The following ATF6 variants were observed in gnomAD, a reference collection of about 807,000 sequenced individuals.
ATF6 encodes the protein activating transcription factor 6.
In ATF6, 53 loss-of-function variants were observed where a neutral mutation model predicts 83.6. The observed-to-expected ratio is 0.63, with a 90% CI of 0.51 to 0.80. The LOEUF (loss-of-function observed/expected upper bound fraction) is 0.80, where lower values mean the gene tolerates loss of function less well. Among genes scored for constraint, ATF6 ranks in the 30% least tolerant of loss-of-function variants. The pLI, the probability that ATF6 is intolerant of heterozygous loss-of-function variation, is 0.00. For synonymous variants in ATF6, 288 were observed against 285.8 expected (o/e 1.01, Z -0.08); for missense variants, 744 against 797.9 (o/e 0.93, Z 0.81).
Position 161,803,531 on chromosome 1 carries a change from C to T in ATF6, c.909+1259C>T, listed in dbSNP as rs111645110. On this transcript the variant is annotated intron_variant, in intron 7 of 15. Coordinates refer to ENST00000367942, the MANE Select transcript of ATF6 (RefSeq NM_007348.4). ...TGGCATAATAGGCTCTAATACATAG[C>T]GTGTGTTTCAGTTGAAGATGAAACA... Among the ~76,000 whole-genome samples the T allele has an allele frequency of 2.8e-3, 424 of 152,152 alleles. 3 individuals carry two copies. The highest frequency in any genetic ancestry group is 9.5e-3 in the African/African-American group (393 of 41,504).
chr1:161,918,846 A>G (rs1217446338), intron 15 of ATF6, among the ~76,000 whole-genome samples: 1 of 152,206 alleles, frequency 6.6e-6, no homozygotes, highest in Non-Finnish European at 1.5e-5. Context: ...GATTTTATTG[A>G]GCAACTGGTT....
chr1:161,928,160 C>G (rs1407090677), intron 15 of ATF6, among the ~76,000 whole-genome samples: 1 of 152,186 alleles, frequency 6.6e-6, no homozygotes, highest in Non-Finnish European at 1.5e-5. Context: ...AGAACCACAA[C>G]TGAACTTTCT....
intron 15 of ATF6, among the ~76,000 whole-genome samples, chr1:161,948,018 T>G (rs978551198): frequency 1.1e-4 from 16 of 152,030 alleles, no homozygotes; most frequent in African/African-American, 3.6e-4. Context: ...GAGACAGGGC[T>G]TCGCCACATT....
At chr1:161,818,314 C>T (rs1685666048) in intron 7 of ATF6, among the ~76,000 whole-genome samples, 1 of 152,106 alleles carries the variant, frequency 6.6e-6, no homozygotes, top group African/African-American at 2.4e-5. Flanking sequence ...CTCACTTCCC[C>T]AAAGAAATTA....
chr1:161,807,269 C>G (rs1685310552), intron 7 of ATF6, among the ~76,000 whole-genome samples: 2 of 152,248 alleles, frequency 1.3e-5, no homozygotes, highest in Admixed American at 6.5e-5. Flanking sequence ...CAGAGACTGC[C>G]TATGTTCTAT....
chr1:161,903,062 CTTTAA>C (rs943900623), intron 14 of ATF6, among the ~76,000 whole-genome samples: 35 of 151,804 alleles, frequency 2.3e-4, no homozygotes, highest in Non-Finnish European at 4.0e-4. Flanking sequence ...TTTAATTAAA[CTTTAA>C]TTTAATTTAA....
chr1:161,806,777 G>A (rs1460749568), intron 7 of ATF6, among the ~76,000 whole-genome samples: 1 of 152,120 alleles, frequency 6.6e-6, no homozygotes, highest in Non-Finnish European at 1.5e-5. Context: ...GTGCTGGGGG[G>A]AATCCTTTGC....
intron 7 of ATF6, among the ~76,000 whole-genome samples, chr1:161,804,892 A>AAAGT (rs1229424385): frequency 6.6e-6 from 1 of 152,134 alleles, no homozygotes; most frequent in East Asian, 1.9e-4. Flanking sequence ...CTGTAAATTT[A>AAAGT]AAGTATTTTT....
chr1:161,908,818 A>T (rs2341475), intron 14 of ATF6, among the ~76,000 whole-genome samples: 1 of 151,986 alleles, frequency 6.6e-6, no homozygotes, highest in Non-Finnish European at 1.5e-5. Flanking sequence ...TATTTTAAAC[A>T]ATTTAATTGG....
intron 8 of ATF6, among the ~76,000 whole-genome samples, chr1:161,820,213 A>G (rs951129937): frequency 3.3e-5 from 5 of 152,164 alleles, no homozygotes; most frequent in Admixed American, 2.0e-4. Context: ...TTCTGTTACT[A>G]TGCTGACTCC....
chr1:161,934,973 G>A (rs978622692), intron 15 of ATF6, among the ~76,000 whole-genome samples: 2 of 151,996 alleles, frequency 1.3e-5, no homozygotes, highest in African/African-American at 4.8e-5. Flanking sequence ...CAGATAATCT[G>A]GTTTTATAGG....
At chr1:161,860,560 A>G (rs1686861834) in intron 13 of ATF6, among the ~76,000 whole-genome samples, 1 of 151,908 alleles carries the variant, frequency 6.6e-6, no homozygotes, top group Admixed American at 6.6e-5. Context: ...AATCTTGAAT[A>G]CCCATAGCTT....
intron 7 of ATF6, among the ~76,000 whole-genome samples, chr1:161,805,227 C>T (rs1478504757): frequency 6.6e-6 from 1 of 151,700 alleles, no homozygotes; most frequent in Non-Finnish European, 1.5e-5. Flanking sequence ...TAGTCTTTAT[C>T]TTTTTTCATG....
intron 14 of ATF6, among the ~76,000 whole-genome samples, chr1:161,909,374 C>T (rs950054469): frequency 3.3e-5 from 5 of 152,116 alleles, no homozygotes; most frequent in Admixed American, 2.6e-4. Flanking sequence ...TCTTACAGTC[C>T]GTTGACCAGA....
At chr1:161,865,560 T>C (rs986197866) in intron 14 of ATF6, among the ~76,000 whole-genome samples, 4 of 152,244 alleles carry the variant, frequency 2.6e-5, no homozygotes, top group Non-Finnish European at 5.9e-5. Flanking sequence ...AAGTGATTTC[T>C]CATTAGTTTG....
At chr1:161,801,125 A>G (rs1355169166) in intron 6 of ATF6, among the ~76,000 whole-genome samples, 3 of 152,008 alleles carry the variant, frequency 2.0e-5, no homozygotes, top group African/African-American at 7.3e-5. Context: ...AGCATTTTGG[A>G]TTTTGGGTTT....
Position 161,777,439 on chromosome 1 carries a change from T to G in ATF6, c.83-805T>G, listed in dbSNP as rs185807518. ...ACTGACAGTGCAGTTCCTACACTTG[T>G]GCACTGAGGAAATCATCAGAGCAGT... is the stretch of plus-strand genomic sequence containing the variant. On this transcript the variant is annotated intron_variant, in intron 1 of 15. Transcript: ENST00000367942. Among the ~76,000 whole-genome samples the G allele has an allele frequency of 2.8e-3, 425 of 152,322 alleles. 7 individuals are homozygous for G. Among genetic ancestry groups the G allele is most frequent in the Non-Finnish European group, 7.8e-4 (53 of 68,026 alleles).
At chr1:161,912,647 G>GTA (rs1688014388) in intron 15 of ATF6, among the ~76,000 whole-genome samples, 1 of 152,066 alleles carries the variant, frequency 6.6e-6, no homozygotes, top group South Asian at 2.1e-4. Context: ...ACTTGCATCT[G>GTA]CGACCCTTCT....
chr1:161,927,884 A>G (rs895959756), intron 15 of ATF6, among the ~76,000 whole-genome samples: 2 of 152,266 alleles, frequency 1.3e-5, no homozygotes, highest in Non-Finnish European at 2.9e-5. Flanking sequence ...AGAAATGAGT[A>G]AAATTAAGTA....
Sources: gnomAD v4.1 joint callset for allele counts (sites outside exome capture counted in the v4.1 genomes callset) on GRCh38, gnomAD v4.1.1 for gene constraint, MANE v1.5 for transcripts, NCBI Gene and HGNC (gene_info 2026-07-23, HGNC 2026-07-21) for gene names.